FAAH2: variants seen among roughly 807,000 people sequenced by gnomAD.
FAAH2 encodes the protein fatty-acid amide hydrolase 2.
In FAAH2, 60 loss-of-function variants were observed where a neutral mutation model predicts 36.9. The observed-to-expected ratio is 1.63, with a 90% CI of 1.32 to 2.02. The LOEUF (loss-of-function observed/expected upper bound fraction) is 2.02, where lower values mean the gene tolerates loss of function less well. Ranked by LOEUF, FAAH2 falls within the 30% of genes most tolerant of loss-of-function variation. FAAH2 has a pLI of 0.00. For synonymous variants in FAAH2, 214 were observed against 143.8 expected (o/e 1.49, Z -3.49); for missense variants, 689 against 397.5 (o/e 1.73, Z -6.23).
At chrX:57,469,213 ACAT>A (rs1416658576) in intron 10 of FAAH2, among the ~76,000 whole-genome samples, 1 of 111,998 alleles carries the variant, frequency 8.9e-6, no homozygotes, top group Non-Finnish European at 1.9e-5. Flanking sequence ...TAACCAGCTA[ACAT>A]CATAATGAAA....
the FAAH2 span, chrX:57,136,001 C>G: frequency 3.0e-5 from 36 of 1,204,052 alleles, no homozygotes; most frequent in East Asian, 1.1e-3. Flanking sequence ...CTGGCTCCCT[C>G]TCTGTTGGAG....
chrX:57,258,401 T>C, the FAAH2 span, among the ~76,000 whole-genome samples: 11 of 111,163 alleles, frequency 9.9e-5, no homozygotes, highest in Non-Finnish European at 2.1e-4. Context: ...TTTTTTAAGC[T>C]AACCCCCAAA....
chrX:57,353,021 C>T (rs1249565431), intron 5 of FAAH2, among the ~76,000 whole-genome samples: 2 of 110,540 alleles, frequency 1.8e-5, no homozygotes, highest in African/African-American at 3.3e-5. Context: ...TTAAAATGAC[C>T]ATATTACACA....
At chrX:57,466,150 C>CTATATA (rs1448015750) in intron 10 of FAAH2, among the ~76,000 whole-genome samples, 36 of 75,607 alleles carry the variant, frequency 4.8e-4, no homozygotes, top group East Asian at 2.1e-3. Flanking sequence ...CTCTCTCTCT[C>CTATATA]TCTCTCTATA....
chrX:57,288,258 G>A (rs2051867851), intron 1 of FAAH2, among the ~76,000 whole-genome samples: 1 of 108,499 alleles, frequency 9.2e-6, no homozygotes, highest in South Asian at 4.1e-4. Flanking sequence ...TGATTAGAAG[G>A]ATGGACTCTA....
rs778618478 is a variant in FAAH2 at position 57,287,007 on chromosome X, G to C, written c.182G>C (p.Arg61Pro). The stretch of plus-strand genomic sequence containing the variant: ...GGGATGCAGCTGGCCAAGCTGATCC[G>C]ACAGAGAAAGGTGAGAATGCAATTC... The part of the protein sequence containing the change: ...LSGMQLAKLI[R>P]QRKVKCIDVV... The change falls in exon 1 of 11, where the codon CGA becomes CCA. Residue 61 changes from arginine (R) to proline (P), a missense_variant. Arg to Pro is a moderately radical substitution (Grantham distance 103). Transcript: ENST00000374900. 8.4e-7 allele frequency: 1 copy of C among 1,186,028 alleles called. No individual in the cohort carries two copies. Among genetic ancestry groups the C allele is most frequent in the Admixed American group, 2.3e-5 (1 of 43,714 alleles).
chrX:57,136,788 A>G, the FAAH2 span: 32 of 355,126 alleles, frequency 9.0e-5, no homozygotes, highest in African/African-American at 8.6e-4. Context: ...GGCTGTGGGG[A>G]AGGGCTGGGG....
At chrX:57,413,597 G>T (rs771467192) in intron 7 of FAAH2, among the ~76,000 whole-genome samples, 2 of 111,445 alleles carry the variant, frequency 1.8e-5, no homozygotes, top group African/African-American at 6.5e-5. Context: ...TTGGTACCAT[G>T]CTGTTTTGGT....
At chrX:57,483,851 T>A (rs1295678793) in intron 10 of FAAH2, among the ~76,000 whole-genome samples, 1 of 90,681 alleles carries the variant, frequency 1.1e-5, no homozygotes, top group Non-Finnish European at 2.1e-5. Flanking sequence ...CAGAATGCAA[T>A]GGCGCACAAT....
intron 5 of FAAH2, among the ~76,000 whole-genome samples, chrX:57,377,731 G>T (rs2054722600): frequency 8.9e-6 from 1 of 111,860 alleles, no homozygotes; most frequent in Admixed American, 9.5e-5. Flanking sequence ...AAATTACTTT[G>T]GGTAGTATGG....
At chrX:57,284,094 C>T (rs1167927649), upstream of FAAH2, among the ~76,000 whole-genome samples, 1 of 112,088 alleles carries the variant, frequency 8.9e-6, no homozygotes, top group Non-Finnish European at 1.9e-5. Context: ...TTGCCTGCTC[C>T]CTCTGGGAGC....
chrX:57,434,764 G>C (rs1292908371), intron 8 of FAAH2, among the ~76,000 whole-genome samples: 4 of 111,358 alleles, frequency 3.6e-5, no homozygotes, highest in Non-Finnish European at 7.5e-5. Flanking sequence ...AAGAGATTTA[G>C]ACATCCAGAT....
At chrX:57,476,696 C>T (rs2057275682) in intron 10 of FAAH2, among the ~76,000 whole-genome samples, 1 of 111,290 alleles carries the variant, frequency 9.0e-6, no homozygotes, top group South Asian at 3.7e-4. Context: ...AGATGCTGGC[C>T]TCATAAGATG....
At chrX:57,485,186 A>G (rs1602852369) in intron 10 of FAAH2, among the ~76,000 whole-genome samples, 1 of 111,947 alleles carries the variant, frequency 8.9e-6, no homozygotes, top group African/African-American at 3.2e-5. Flanking sequence ...CTACAGATGC[A>G]GTGTTGGATT....
intron 7 of FAAH2, chrX:57,381,456 A>G: frequency 4.7e-6 from 2 of 427,062 alleles, no homozygotes; most frequent in Non-Finnish European, 2.9e-6. Flanking sequence ...TAAAAGCAAG[A>G]GTTCATTTGG....
intron 10 of FAAH2, among the ~76,000 whole-genome samples, chrX:57,481,437 TTATG>T (rs1426584998): frequency 8.9e-6 from 1 of 111,795 alleles, no homozygotes; most frequent in Non-Finnish European, 1.9e-5. Context: ...GTGGGGTTCT[TTATG>T]TTGATGTCGA....
intron 4 of FAAH2, among the ~76,000 whole-genome samples, chrX:57,335,220 A>G (rs1286473433): frequency 1.8e-5 from 2 of 111,893 alleles, no homozygotes; most frequent in African/African-American, 3.3e-5. Context: ...GTGGAATGAG[A>G]GACTTGGAAA....
the FAAH2 span, among the ~76,000 whole-genome samples, chrX:57,261,213 C>T: frequency 1.8e-5 from 2 of 111,311 alleles, no homozygotes; most frequent in Non-Finnish European, 3.8e-5. Flanking sequence ...TTAAAGGGCA[C>T]ATATTATAGA....
At chrX:57,148,690 G>A in the FAAH2 span, among the ~76,000 whole-genome samples, 1 of 111,642 alleles carries the variant, frequency 9.0e-6, no homozygotes, top group East Asian at 2.8e-4. Flanking sequence ...TAGATATACA[G>A]TGATGTGATC....
Sources: allele counts gnomAD v4.1 joint callset (sites outside exome capture counted in the v4.1 genomes callset), GRCh38; gene constraint gnomAD v4.1.1; transcripts MANE v1.5; gene names NCBI Gene and HGNC (gene_info 2026-07-23, HGNC 2026-07-21).